PTPRE: variants seen among roughly 807,000 people sequenced by gnomAD.
PTPRE encodes the protein receptor-type tyrosine-protein phosphatase epsilon.
PTPRE carries 51 observed loss-of-function variants against 102.0 expected under a neutral mutation model. That is an observed-to-expected ratio of 0.50 (90% CI 0.40 to 0.63). The LOEUF (loss-of-function observed/expected upper bound fraction) is 0.63. Among genes scored for constraint, PTPRE ranks in the 30% least tolerant of loss-of-function variants. The pLI, the probability that PTPRE is intolerant of heterozygous loss-of-function variation, is 0.00. For synonymous variants in PTPRE, 345 were observed against 348.2 expected, an observed-to-expected ratio of 0.99 and a Z score of 0.10; for missense variants, 752 against 915.1, an observed-to-expected ratio of 0.82 and a Z score of 2.30.
intron 3 of PTPRE, 42 bp from the exon 4 acceptor site, chr10:128,047,348 G>A: frequency 6.2e-7 from 1 of 1,600,114 alleles, no homozygotes; most frequent in Non-Finnish European, 8.5e-7. Context: ...TGCAAACTGT[G>A]AAGTGAGGTC....
At chr10:128,058,172 TG>T (rs1347528195) in intron 7 of PTPRE, among the ~76,000 whole-genome samples, 1 of 152,298 alleles carries the variant, frequency 6.6e-6, no homozygotes, top group African/African-American at 2.4e-5. Flanking sequence ...CATGGCCAAG[TG>T]TGGGCATTAC....
At position 128,013,770 on chromosome 10, in the gene PTPRE, C is replaced by T. The variant is rs1007878244; in HGVS notation, c.-7-27105C>T. 9.2e-5 allele frequency among the ~76,000 whole-genome samples: 14 copies of T among 152,308 alleles called. 1 individual carries two copies. Among genetic ancestry groups the T allele is most frequent in the African/African-American group, 2.9e-4 (12 of 41,568 alleles). Reference sequence around the variant, plus strand: ...CAGACACCACATCCGCTGGCACCTTCATCCTGGACTTCTCAGCTTTCAGAA... The same window carrying T: ...CAGACACCACATCCGCTGGCACCTTTATCCTGGACTTCTCAGCTTTCAGAA... On this transcript the variant is annotated intron_variant, in intron 2 of 20. Coordinates refer to ENST00000254667, the MANE Select transcript of PTPRE (RefSeq NM_006504.6).
chr10:128,009,688 G>A (rs944142898), intron 2 of PTPRE, among the ~76,000 whole-genome samples: 4 of 152,248 alleles, frequency 2.6e-5, no homozygotes, highest in African/African-American at 7.2e-5. Context: ...TGCTGCAAAG[G>A]ACAGCCCTGA....
intron 16 of PTPRE, 144 bp downstream of exon 16, chr10:128,072,358 TA>T (rs34882498): frequency 0.15 from 99,230 of 659,638 alleles, 7,431 homozygotes; most frequent in East Asian, 0.39. Flanking sequence ...ATTACTTGCT[TA>T]AAAAAAAAAG....
rs539436670 is a variant in PTPRE at position 128,022,821 on chromosome 10, C to T, written c.-7-18054C>T. Among the ~76,000 whole-genome samples the T allele has an allele frequency of 8.5e-5, 13 of 152,356 alleles. No homozygotes were observed. In the South Asian group the frequency reaches 2.7e-3, roughly 32 times the overall value. Reference sequence around the variant, plus strand: ...TGATGCCAGAGCGGAGTCCTGTGAACAAGGGCCAGGAGATGACGGTCGATT... The same window carrying T: ...TGATGCCAGAGCGGAGTCCTGTGAATAAGGGCCAGGAGATGACGGTCGATT... On this transcript the variant is annotated intron_variant, in intron 2 of 20. Coordinates refer to ENST00000254667, the MANE Select transcript of PTPRE (RefSeq NM_006504.6).
chr10:128,015,607 C>A (rs1590016506), intron 2 of PTPRE, among the ~76,000 whole-genome samples: 1 of 152,250 alleles, frequency 6.6e-6, no homozygotes, highest in South Asian at 2.1e-4. Context: ...ACTTCGTGAT[C>A]CACCCGCCTC....
At chr10:127,974,585 G>T (rs111591572) in intron 1 of PTPRE, among the ~76,000 whole-genome samples, 1,610 of 152,232 alleles carry the variant, frequency 0.011, 29 homozygotes, top group African/African-American at 0.036. Context: ...CTTCTTTTAG[G>T]GTAAGGAGGC....
chr10:128,008,410 G>T lies in PTPRE; in HGVS notation c.-8+26114G>T, dbSNP rs573204967. The stretch of plus-strand genomic sequence containing the variant: ...GGACCTGAAAAAGCCTCCCATCAAG[G>T]AGAGAAATCCTAGAGATGCTTAGCA... On this transcript the variant is annotated intron_variant, in intron 2 of 20. Transcript: ENST00000254667. The surrounding 1 kb of genome is among the most constrained non-coding windows in gnomAD (Gnocchi z 4.0). Among the ~76,000 whole-genome samples the T allele has an allele frequency of 2.6e-5, 4 of 152,310 alleles. No homozygotes were observed. The South Asian group carries it at 6.2e-4, about 24-fold the overall frequency.
chr10:127,909,428 C>T (rs565151884), intron 1 of PTPRE, among the ~76,000 whole-genome samples: 5 of 152,302 alleles, frequency 3.3e-5, no homozygotes, highest in African/African-American at 1.2e-4. Context: ...GTCTAAGGTG[C>T]ACCGCTGATC....
chr10:128,049,427 C>T (rs1284999771), intron 5 of PTPRE, 103 bp from the exon 6 acceptor site: 2 of 1,422,602 alleles, frequency 1.4e-6, no homozygotes, highest in African/African-American at 1.4e-5. Context: ...GTTCCAGCTC[C>T]AGCCTGGTCA....
intron 1 of PTPRE, among the ~76,000 whole-genome samples, chr10:127,943,031 A>G (rs1848360472): frequency 6.6e-6 from 1 of 152,134 alleles, no homozygotes. Context: ...CTTTGATCTC[A>G]TGGAAACACC....
intron 6 of PTPRE, among the ~76,000 whole-genome samples, chr10:128,054,995 C>T (rs867238952): frequency 7.2e-5 from 11 of 152,256 alleles, no homozygotes; most frequent in Non-Finnish European, 1.6e-4. Context: ...ATCTATAACA[C>T]CTCGCTTTGG....
At chr10:128,009,241 A>G (rs1844772588) in intron 2 of PTPRE, among the ~76,000 whole-genome samples, 1 of 152,224 alleles carries the variant, frequency 6.6e-6, no homozygotes, top group South Asian at 2.1e-4. Context: ...GTCAGTGCAT[A>G]ATAAGAGAAA....
At chr10:127,953,725 A>G (rs1419125407) in intron 1 of PTPRE, among the ~76,000 whole-genome samples, 1 of 152,204 alleles carries the variant, frequency 6.6e-6, no homozygotes, top group Non-Finnish European at 1.5e-5. Flanking sequence ...GTGGTTCTGC[A>G]TGATATGTAG....
intron 1 of PTPRE, among the ~76,000 whole-genome samples, chr10:127,923,147 A>G (rs1403558344): frequency 1.3e-5 from 2 of 152,358 alleles, no homozygotes; most frequent in African/African-American, 2.4e-5. Context: ...TTCTTTTGAC[A>G]TGAGTAATAG....
intron 1 of PTPRE, among the ~76,000 whole-genome samples, chr10:127,962,931 C>G (rs1245380548): frequency 6.6e-6 from 1 of 152,186 alleles, no homozygotes; most frequent in African/African-American, 2.4e-5. Context: ...GAGAGGAGAG[C>G]TGGGCTGGGG....
Position 128,068,182 on chromosome 10 carries a change from G to A in PTPRE, c.903G>A (p.Trp301Ter). The A allele has an allele frequency of 6.2e-7, 1 of 1,614,158 alleles. No homozygotes were observed. Among genetic ancestry groups the A allele is most frequent in the South Asian group, 1.1e-5 (1 of 91,090 alleles). The change falls in exon 12 of 21, where the codon TGG (tryptophan) becomes TGA (stop). Residue 301 changes from tryptophan to a stop codon, truncating the protein, a stop_gained. Coordinates refer to ENST00000254667, the MANE Select transcript of PTPRE (RefSeq NM_006504.6). LOFTEE classifies it high-confidence loss of function. ...RLVSQLHFTS[W>*]PDFGVPFTPI... ...TCTCACAGCTGCACTTCACCAGCTG[G>A]CCCGACTTCGGAGTGCCTTTTACCC...
chr10:127,918,082 G>A (rs189421003), intron 1 of PTPRE, among the ~76,000 whole-genome samples: 115 of 152,056 alleles, frequency 7.6e-4, no homozygotes, highest in African/African-American at 2.5e-3. Context: ...CGGCTCACAG[G>A]GGGTGATGTC....
intron 1 of PTPRE, among the ~76,000 whole-genome samples, chr10:127,971,763 G>C (rs1226976346): frequency 6.6e-6 from 1 of 152,196 alleles, no homozygotes; most frequent in Non-Finnish European, 1.5e-5. Flanking sequence ...CTCTCCATTG[G>C]CTACAGATCC....
Sources: gnomAD v4.1 joint callset for allele counts (sites outside exome capture counted in the v4.1 genomes callset) on GRCh38, gnomAD v4.1.1 for gene constraint, Gnocchi (gnomAD v3.1) non-coding constraint, MANE v1.5 for transcripts, NCBI Gene and HGNC (gene_info 2026-07-23, HGNC 2026-07-21) for gene names.